Variants in KCNAB2 observed in about 807,000 individuals in gnomAD.
The protein encoded by KCNAB2 is voltage-gated potassium channel subunit beta-2.
Under a neutral mutation model 63.6 loss-of-function variants are expected in KCNAB2, and 29 were observed. The ratio of observed to expected loss-of-function variants is 0.46; its 90% confidence interval spans 0.34 to 0.62. The LOEUF (loss-of-function observed/expected upper bound fraction) is 0.62. Among genes scored for constraint, KCNAB2 ranks in the 20% least tolerant of loss-of-function variants. The pLI is 0.01. For synonymous variants in KCNAB2, 222 were observed against 224.2 expected, an observed-to-expected ratio of 0.99 and a Z score of 0.09; for missense variants, 359 against 563.9, an observed-to-expected ratio of 0.64 and a Z score of 3.68.
intron 2 of KCNAB2, among the ~76,000 whole-genome samples, chr1:6,052,775 A>G (rs1661500387): frequency 1.3e-5 from 2 of 152,190 alleles, no homozygotes; most frequent in Admixed American, 1.3e-4. Context: ...GTTGCCAGTT[A>G]AATTTGAAGT....
At chr1:6,083,340 A>C (rs563337454) in intron 5 of KCNAB2, among the ~76,000 whole-genome samples, 1 of 152,250 alleles carries the variant, frequency 6.6e-6, no homozygotes, top group Admixed American at 6.5e-5. Context: ...GCCCTGAAGA[A>C]TGTGTGGGAG....
chr1:6,099,673 G>A lies in KCNAB2; in HGVS notation c.*1099G>A. ...ATGCTTGGACCCTTTCAGTAAGGAA[G>A]GGTCTTTGGGGTTTTCTGTGCCCAT... is the stretch of plus-strand genomic sequence containing the variant. On this transcript the variant is annotated 3_prime_UTR_variant, in exon 16 of 16. Transcript: ENST00000378083. The A allele has an allele frequency of 7.9e-7, 1 of 1,272,162 alleles. No individual in the cohort carries two copies. The highest frequency in any genetic ancestry group is 1.6e-5 in the South Asian group (1 of 61,734). The allele number at this position is 1,272,162 out of a possible 1,614,324, so 78.8% of individuals were successfully genotyped here. A position where few individuals can be genotyped will look rare whatever the true frequency, so the allele number is the denominator to read the frequency against.
At position 6,090,494 on chromosome 1, in the gene KCNAB2, C is replaced by A; in HGVS notation, c.601+19C>A. 6.3e-7 allele frequency: 1 copy of A among 1,597,592 alleles called. No homozygotes were observed. On this transcript the variant is annotated intron_variant, in intron 9 of 15. Transcript: ENST00000378083. ...ATGGAAGGTAGGTGGTCTGCGGCGG[C>A]GCCACCGGTTAGGCCTGGGCGGGGT...
chr1:6,097,324 G>A lies in KCNAB2; in HGVS notation c.1125G>A (p.Ala375=), dbSNP rs780588439. ...CCGTGCTCCTGGGGGCCTCCAATGCGGACCAGCTCATGGAGAACATTGGGG... is the reference window on the plus strand; with the variant it reads ...CCGTGCTCCTGGGGGCCTCCAATGCAGACCAGCTCATGGAGAACATTGGGG... ...VSSVLLGASN[A]DQLMENIGAI... is the part of the protein sequence containing the mutation. Residue 375 remains alanine (A), a synonymous_variant, in exon 15 of 16, where the codon GCG becomes GCA. Transcript: ENST00000378083. 1.9e-5 allele frequency: 29 copies of A among 1,552,862 alleles called. No homozygotes were observed. The highest frequency in any genetic ancestry group is 2.7e-5 in the African/African-American group (2 of 73,440).
chr1:6,044,757 C>G (rs1408066007), upstream of KCNAB2, among the ~76,000 whole-genome samples: 1 of 152,142 alleles, frequency 6.6e-6, no homozygotes, highest in Non-Finnish European at 1.5e-5. Flanking sequence ...GGAGACCAGA[C>G]AGTGCCCAGG....
rs993084056 is a variant in KCNAB2, at chr1:6,100,114, A to T, written c.*1540A>T. The T allele has an allele frequency of 1.4e-6, 2 of 1,438,660 alleles. No homozygotes were observed. The highest frequency in any genetic ancestry group is 2.9e-5 in the African/African-American group (2 of 69,460). The allele number at this position is 1,438,660 out of a possible 1,614,324, so 89.1% of individuals were successfully genotyped here. On this transcript the variant is annotated 3_prime_UTR_variant, in exon 16 of 16. Coordinates refer to ENST00000378083, the MANE Select transcript of KCNAB2 (RefSeq NM_001199862.2). ...GCCCCTGGAGGAGCCACTATTCCAGAAGGCTCCACCCTGCCGTCCTGCGGG... is the reference window on the plus strand; with the variant it reads ...GCCCCTGGAGGAGCCACTATTCCAGTAGGCTCCACCCTGCCGTCCTGCGGG...
chr1:6,096,517 G>T lies in KCNAB2; in HGVS notation c.949-119G>T. 1 of 1,350,310 alleles carries T rather than the reference G, an allele frequency of 7.4e-7. No homozygotes were observed. Among genetic ancestry groups the T allele is most frequent in the Non-Finnish European group, 9.9e-7 (1 of 1,005,890 alleles). The allele number at this position is 1,350,310 out of a possible 1,614,324, so 83.6% of individuals were successfully genotyped here. On this transcript the variant is annotated intron_variant, in intron 13 of 15. Coordinates refer to ENST00000378083, the MANE Select transcript of KCNAB2 (RefSeq NM_001199862.2). The surrounding 1 kb of genome is among the most constrained non-coding windows in gnomAD (Gnocchi z 5.9). ...GGGCACTGCCCTGGCTTCAAGATGA[G>T]AAGAGCCCCTATGAGGGAGAAGGGT...
At chr1:6,095,880 CACCACATCCCCCCATCTCTACCCCCT>C (rs1665585153) in intron 13 of KCNAB2, among the ~76,000 whole-genome samples, 3 of 142,196 alleles carry the variant, frequency 2.1e-5, no homozygotes, top group Non-Finnish European at 3.1e-5. Flanking sequence ...CCCCTGCCCC[CACCACATCCCCCCATCTCTACCCCCT>C]ACCACATCCC....
At chr1:6,030,680 GTGTT>G (rs953717208), upstream of KCNAB2, among the ~76,000 whole-genome samples, 12 of 150,908 alleles carry the variant, frequency 8.0e-5, no homozygotes, top group African/African-American at 1.7e-4. Context: ...GTGTGTATGT[GTGTT>G]TGTGTGTATG....
intron 1 of KCNAB2, among the ~76,000 whole-genome samples, chr1:6,000,159 C>T (rs957904863): frequency 2.6e-5 from 4 of 152,076 alleles, no homozygotes; most frequent in Admixed American, 2.6e-4. Flanking sequence ...GCGCCTCCCG[C>T]CTCTGCTCAG....
chr1:6,051,989 C>T (rs1235729104), intron 2 of KCNAB2, among the ~76,000 whole-genome samples: 1 of 152,140 alleles, frequency 6.6e-6, no homozygotes, highest in Admixed American at 6.5e-5. Flanking sequence ...GTAGTCCCAA[C>T]TACTCAGGAG....
At position 6,095,358 on chromosome 1, in the gene KCNAB2, C is replaced by A; in HGVS notation, c.768C>A (p.Thr256=). The A allele has an allele frequency of 6.2e-7, 1 of 1,612,970 alleles. No homozygotes were observed. ...CCGTGGCCCGGCAGTTCAACCTGAC[C>A]CCGCCCATCTGCGAGCAGGCTGAGT... ...AYSVARQFNL[T]PPICEQAEYH... is the part of the protein sequence containing the mutation. Residue 256 remains threonine (T), a synonymous_variant, in exon 12 of 16, where the codon ACC becomes ACA. Coordinates refer to ENST00000378083, the MANE Select transcript of KCNAB2 (RefSeq NM_001199862.2).
At chr1:6,083,498 G>A (rs573428186) in intron 5 of KCNAB2, among the ~76,000 whole-genome samples, 32 of 152,304 alleles carry the variant, frequency 2.1e-4, no homozygotes, top group African/African-American at 7.5e-4. Flanking sequence ...CTGGGTCTCC[G>A]GCAGCCTCGG....
chr1:6,094,364 GC>G (rs748531438), intron 10 of KCNAB2, 35 bp from the exon 11 acceptor site: 15 of 1,553,174 alleles, frequency 9.7e-6, no homozygotes, highest in Non-Finnish European at 1.3e-5. Flanking sequence ...AGCCCTGGCT[GC>G]CCCCCACCTG....
At chr1:6,056,189 C>T (rs1661807221) in intron 2 of KCNAB2, among the ~76,000 whole-genome samples, 1 of 152,086 alleles carries the variant, frequency 6.6e-6, no homozygotes, top group Non-Finnish European at 1.5e-5. Context: ...GGACTACAGG[C>T]GCGAGCCACC....
At chr1:6,007,036 G>C (rs1228142298) in intron 1 of KCNAB2, among the ~76,000 whole-genome samples, 1 of 152,214 alleles carries the variant, frequency 6.6e-6, no homozygotes, top group Non-Finnish European at 1.5e-5. Flanking sequence ...TCAGTGTCCA[G>C]AGTGTCTCTG....
chr1:6,054,607 A>G (rs1346167190), intron 2 of KCNAB2, among the ~76,000 whole-genome samples: 1 of 152,172 alleles, frequency 6.6e-6, no homozygotes, highest in Non-Finnish European at 1.5e-5. Flanking sequence ...ACTCCACAGG[A>G]TGGGAGTGGG....
upstream of KCNAB2, among the ~76,000 whole-genome samples, chr1:6,030,442 C>T (rs1003962133): frequency 6.7e-6 from 1 of 149,012 alleles, no homozygotes; most frequent in African/African-American, 2.5e-5. Context: ...GAATTCACCC[C>T]TCCAACGTGT....
intron 1 of KCNAB2, among the ~76,000 whole-genome samples, chr1:6,007,201 T>TGG (rs34064079): frequency 0.042 from 6,418 of 151,920 alleles, 195 homozygotes; most frequent in Non-Finnish European, 0.064. Flanking sequence ...AGTCACTGCA[T>TGG]GGGGGGGGCT....
Sources: allele counts gnomAD v4.1 joint callset (sites outside exome capture counted in the v4.1 genomes callset), GRCh38; gene constraint gnomAD v4.1.1; non-coding constraint Gnocchi (gnomAD v3.1); transcripts MANE v1.5; gene names NCBI Gene and HGNC (gene_info 2026-07-23, HGNC 2026-07-21).